EPS15: variants seen among roughly 807,000 people sequenced by gnomAD.
The protein encoded by EPS15 is epidermal growth factor receptor pathway substrate 15.
In EPS15, 72 loss-of-function variants were observed where a neutral mutation model predicts 113.8. That is an observed-to-expected ratio of 0.63 (90% CI 0.52 to 0.77). The LOEUF (loss-of-function observed/expected upper bound fraction) is 0.77, where lower values mean the gene tolerates loss of function less well. Among genes scored for constraint, EPS15 ranks in the 30% least tolerant of loss-of-function variants. The pLI is 0.00. For synonymous variants in EPS15, 344 were observed against 363.4 expected, an observed-to-expected ratio of 0.95 and a Z score of 0.61; for missense variants, 1,048 against 1,045.8, an observed-to-expected ratio of 1.00 and a Z score of -0.03.
chr1:51,508,740 C>T (rs1301233960), intron 1 of EPS15, among the ~76,000 whole-genome samples: 1 of 151,982 alleles, frequency 6.6e-6, no homozygotes. Context: ...AGTCCCCTTC[C>T]TATGCTCTAT....
At chr1:51,372,901 A>G (rs1466639688) in intron 21 of EPS15, 14 of 786,080 alleles carry the variant, frequency 1.8e-5, no homozygotes, top group Middle Eastern at 5.2e-4. Flanking sequence ...TGGAAAAAAC[A>G]GCCACAGGCA....
intron 2 of EPS15, among the ~76,000 whole-genome samples, chr1:51,473,953 A>G (rs1479532677): frequency 1.3e-5 from 2 of 152,230 alleles, no homozygotes; most frequent in Admixed American, 1.3e-4. Flanking sequence ...ACCTGCCTGT[A>G]GAATTCTTCA....
At chr1:51,416,716 T>TTTG (rs1650253610) in intron 13 of EPS15, among the ~76,000 whole-genome samples, 1 of 152,190 alleles carries the variant, frequency 6.6e-6, no homozygotes, top group African/African-American at 2.4e-5. Flanking sequence ...AAGTCAGATG[T>TTTG]ACAACTGATG....
At chr1:51,412,464 C>A (rs1325839043) in intron 13 of EPS15, among the ~76,000 whole-genome samples, 6 of 152,074 alleles carry the variant, frequency 3.9e-5, no homozygotes, top group African/African-American at 2.4e-5. Flanking sequence ...TTAAAAATTC[C>A]TTTAAAAATG....
At position 51,445,003 on chromosome 1, in the gene EPS15, A is replaced by T. The variant is rs372019024; in HGVS notation, c.840T>A (p.Asp280Glu). Residue 280 changes from aspartate to glutamate, a missense_variant, in exon 11 of 25, where the codon GAT becomes GAA. Physicochemically the swap from Asp to Glu is conservative, Grantham distance 45. Transcript: ENST00000371733. ...TTAAGTGAAAAGCCAAGGCAAACTGATCCTTTGAAAGCTTCCCACAGTCCT... is the reference window on the plus strand; with the variant it reads ...TTAAGTGAAAAGCCAAGGCAAACTGTTCCTTTGAAAGCTTCCCACAGTCCT... ...DTKDCGKLSKDQFALAFHLIS... is the reference protein window; with the variant it reads ...DTKDCGKLSKEQFALAFHLIS... 1.6e-5 allele frequency: 26 copies of T among 1,613,868 alleles called. No individual in the cohort carries two copies. The highest frequency in any genetic ancestry group is 2.1e-5 in the Non-Finnish European group (25 of 1,179,910).
At chr1:51,490,264 G>A (rs1163687968) in intron 1 of EPS15, 2 of 447,694 alleles carry the variant, frequency 4.5e-6, no homozygotes, top group African/African-American at 4.1e-5. Flanking sequence ...TATTATAAAT[G>A]GTTACAGTAC....
intron 21 of EPS15, among the ~76,000 whole-genome samples, chr1:51,379,533 A>G (rs1183202386): frequency 6.6e-6 from 1 of 152,266 alleles, no homozygotes; most frequent in Non-Finnish European, 1.5e-5. Context: ...TGTATCTGGT[A>G]AACTGTCCTT....
chr1:51,356,795 C>G lies in EPS15; in HGVS notation c.2596G>C (p.Glu866Gln). ...AGTCGGGCAAGCCTCTGCTCTTCCTCTCTCTCACTTTCCCTCTTGGCCCAT... is the reference window on the plus strand; with the variant it reads ...AGTCGGGCAAGCCTCTGCTCTTCCTGTCTCTCACTTTCCCTCTTGGCCCAT... ...IEWAKRESEREEEQRLARLNQ... is the reference protein window; with the variant it reads ...IEWAKRESERQEEQRLARLNQ... Residue 866 changes from glutamate (E) to glutamine (Q), a missense_variant, in exon 25 of 25, where the codon GAG (glutamate) becomes CAG (glutamine). Transcript: ENST00000371733. The G allele has an allele frequency of 1.9e-6, 3 of 1,613,808 alleles. No homozygotes were observed. Among genetic ancestry groups the G allele is most frequent in the Non-Finnish European group, 2.5e-6 (3 of 1,179,732 alleles).
intron 3 of EPS15, among the ~76,000 whole-genome samples, 194 bp from the exon 4 acceptor site, chr1:51,471,931 C>T (rs144922359): frequency 5.3e-5 from 8 of 152,204 alleles, no homozygotes; most frequent in African/African-American, 1.9e-4. Context: ...AGGCCACATG[C>T]AGCCCAGGAC....
At chr1:51,468,982 T>G (rs1257111595) in intron 4 of EPS15, among the ~76,000 whole-genome samples, 4 of 151,952 alleles carry the variant, frequency 2.6e-5, no homozygotes, top group Admixed American at 1.3e-4. Context: ...ACACAAAAAT[T>G]AGCCAGGTGT....
At chr1:51,435,435 C>A (rs2148468160) in intron 12 of EPS15, among the ~76,000 whole-genome samples, 5 of 151,986 alleles carry the variant, frequency 3.3e-5, no homozygotes, top group Admixed American at 3.3e-4. Context: ...CTCAGGTGAT[C>A]CACACGCTGC....
At chr1:51,443,702 G>A (rs1419696693) in intron 11 of EPS15, among the ~76,000 whole-genome samples, 1 of 151,822 alleles carries the variant, frequency 6.6e-6, no homozygotes, top group African/African-American at 2.4e-5. Flanking sequence ...CGGCTGGAGT[G>A]TAGCAGTTGG....
chr1:51,497,912 G>T (rs530593514), intron 1 of EPS15, among the ~76,000 whole-genome samples: 1 of 151,702 alleles, frequency 6.6e-6, no homozygotes, highest in Non-Finnish European at 1.5e-5. Context: ...AGGAGGCAGA[G>T]GTTGCAGTGA....
chr1:51,468,743 A>C (rs1655029155), intron 4 of EPS15, among the ~76,000 whole-genome samples, 175 bp from the exon 5 acceptor site: 2 of 152,220 alleles, frequency 1.3e-5, no homozygotes, highest in Admixed American at 1.3e-4. Flanking sequence ...CTATGTAGAA[A>C]GATGTTCCTA....
At chr1:51,403,583 G>T in intron 16 of EPS15, 51 bp from the exon 17 acceptor site, 1 of 1,011,530 alleles carries the variant, frequency 9.9e-7, no homozygotes, top group Non-Finnish European at 1.5e-6. Context: ...TGACATGGCA[G>T]AGAAAACTGA....
rs573232722 is a variant in EPS15 at position 51,493,619 on chromosome 1, T to C, written c.34-12305A>G. 2.0e-5 allele frequency among the ~76,000 whole-genome samples: 3 copies of C among 151,434 alleles called. No individual in the cohort carries two copies. The East Asian group carries it at 5.8e-4, about 29-fold the overall frequency. On this transcript the variant is annotated intron_variant, in intron 1 of 24. Coordinates refer to ENST00000371733, the MANE Select transcript of EPS15 (RefSeq NM_001981.3). ...TCTTTTGAGGCTCTTAACTTTCTTT[T>C]TTTGGGGGGTGGATGGGAGGACAGA...
intron 21 of EPS15, among the ~76,000 whole-genome samples, chr1:51,377,196 G>A (rs966050890): frequency 7.9e-5 from 12 of 152,176 alleles, no homozygotes; most frequent in South Asian, 6.2e-4. Context: ...CCCAAGAGGC[G>A]GAAGTTGCAA....
chr1:51,417,769 TAAC>T (rs1351365217), intron 13 of EPS15, among the ~76,000 whole-genome samples: 2 of 152,180 alleles, frequency 1.3e-5, no homozygotes, highest in African/African-American at 4.8e-5. Flanking sequence ...TTCTGGACTA[TAAC>T]AACAAAAGTT....
intron 2 of EPS15, among the ~76,000 whole-genome samples, chr1:51,480,515 G>C (rs913906970): frequency 2.3e-4 from 35 of 152,116 alleles, no homozygotes; most frequent in Non-Finnish European, 5.9e-5. Flanking sequence ...TTTTTTTGTT[G>C]TTGTTTGTTT....
Sources: allele counts gnomAD v4.1 joint callset (sites outside exome capture counted in the v4.1 genomes callset), GRCh38; gene constraint gnomAD v4.1.1; transcripts MANE v1.5; gene names NCBI Gene and HGNC (gene_info 2026-07-23, HGNC 2026-07-21).